The following PRICKLE1 variants were observed in gnomAD, a reference collection of about 807,000 sequenced individuals.
PRICKLE1 encodes prickle planar cell polarity protein 1.
PRICKLE1 carries 14 observed loss-of-function variants against 70.2 expected under a neutral mutation model. The ratio of observed to expected loss-of-function variants is 0.20; its 90% CI spans 0.13 to 0.31. PRICKLE1 has a LOEUF of 0.31. Among genes scored for constraint, PRICKLE1 ranks in the 10% least tolerant of loss-of-function variants. The probability of loss-of-function intolerance (pLI) is 1.00; values close to 1 mark genes in which losing one functional copy is unlikely to be tolerated. For missense variants in PRICKLE1, 821 were observed against 1,026.2 expected (o/e 0.80, Z 2.73); for synonymous variants, 357 against 379.9 (o/e 0.94, Z 0.70).
chr12:42,519,193 C>CTTTTT (rs11342397), intron 1 of PRICKLE1, among the ~76,000 whole-genome samples: 1,498 of 99,120 alleles, frequency 0.015, 120 homozygotes, highest in Admixed American at 0.086. Context: ...CCTTTTTTTC[C>CTTTTT]TTTTTTTTTT....
intron 1 of PRICKLE1, among the ~76,000 whole-genome samples, chr12:42,571,504 C>A (rs1311458021): frequency 6.6e-6 from 1 of 152,168 alleles, no homozygotes; most frequent in Admixed American, 6.5e-5. Context: ...AGTCTGCAGG[C>A]AGTTTTGGGG....
At chr12:42,560,176 G>A (rs969336614) in intron 1 of PRICKLE1, among the ~76,000 whole-genome samples, 29 of 150,062 alleles carry the variant, frequency 1.9e-4, no homozygotes, top group Admixed American at 5.3e-4. Context: ...TCGCTCTGTC[G>A]CCCAGGCTGG....
At chr12:42,539,052 T>C (rs1040789073) in intron 1 of PRICKLE1, among the ~76,000 whole-genome samples, 3 of 152,294 alleles carry the variant, frequency 2.0e-5, no homozygotes, top group Admixed American at 2.0e-4. Context: ...ATTTAAGAAA[T>C]AGCTGGAAAA....
intron 1 of PRICKLE1, among the ~76,000 whole-genome samples, chr12:42,473,494 A>G (rs921342836): frequency 6.6e-6 from 1 of 152,218 alleles, no homozygotes; most frequent in African/African-American, 2.4e-5. Context: ...TGCTATCACC[A>G]TTTATGTTCT....
rs942722501 is a variant in PRICKLE1, at chr12:42,457,579, C to A, written c.*2230G>T. The A allele has an allele frequency of 6.6e-6, 1 of 152,160 alleles. No homozygotes were observed. The highest frequency in any genetic ancestry group is 1.5e-5 in the Non-Finnish European group (1 of 68,048). The allele number at this position is 152,160 out of a possible 1,614,324, so 9.4% of individuals were successfully genotyped here. A position where few individuals can be genotyped will look rare whatever the true frequency, so the allele number is the denominator to read the frequency against. ...ATATCCATCAGTCTTAAATACGTAACCTTTGTCCCAGTAACTACGCTGCTC... is the reference window on the plus strand; with the variant it reads ...ATATCCATCAGTCTTAAATACGTAAACTTTGTCCCAGTAACTACGCTGCTC... On this transcript the variant is annotated 3_prime_UTR_variant, in exon 8 of 8. Coordinates refer to ENST00000345127, the MANE Select transcript of PRICKLE1 (RefSeq NM_153026.3).
intron 1 of PRICKLE1, among the ~76,000 whole-genome samples, chr12:42,487,731 A>ACAAT (rs1939014301): frequency 6.6e-6 from 1 of 152,208 alleles, no homozygotes; most frequent in South Asian, 2.1e-4. Context: ...AGGAGAGAAC[A>ACAAT]CAATCCACTT....
chr12:42,574,294 AG>A (rs1348797365), intron 1 of PRICKLE1, among the ~76,000 whole-genome samples: 3 of 152,320 alleles, frequency 2.0e-5, no homozygotes, highest in South Asian at 4.1e-4. Flanking sequence ...TCCCAACAAA[AG>A]CAATCCTACT....
In PRICKLE1 at chr12:42,466,174, C is replaced by T. The variant is rs190710237; in HGVS notation, c.775+20G>A. 5.3e-5 allele frequency: 85 copies of T among 1,613,778 alleles called. No homozygotes were observed. The African/African-American group carries it at 6.8e-4, about 13-fold the overall frequency. ...ACTAATGGCTAGGTGACAGGGCAGA[C>T]GGGCTGGCTGTGGACTTACCAATAT... On this transcript the variant is annotated intron_variant, in intron 6 of 7. Transcript: ENST00000345127.
At position 42,564,253 on chromosome 12, in the gene PRICKLE1, T is replaced by TG. The variant is rs1339366775; in HGVS notation, c.-49+25211_-49+25212insC. Among the ~76,000 whole-genome samples the TG allele has an allele frequency of 5.4e-4, 8 of 14,750 alleles. No homozygotes were observed. The Admixed American group carries it at 6.5e-3, about 12-fold the overall frequency. 9.7% of individuals were successfully genotyped at this position (14,750 alleles called of 152,430 possible). On this transcript the variant is annotated intron_variant, in intron 1 of 7. Transcript: ENST00000345127. Reference sequence around the variant, plus strand: ...CTTGGCAACAGAGGGAGACTCTGTCTAAAAAAAAAAAAAAAAAAAGAAAAG... The same window carrying TG: ...CTTGGCAACAGAGGGAGACTCTGTCTGAAAAAAAAAAAAAAAAAAAGAAAAG...
At position 42,500,730 on chromosome 12, in the gene PRICKLE1, C is replaced by T. The variant is rs1041043052; in HGVS notation, c.-48-28166G>A. ...AAAAAAAAGCAATAGAATTAATATT[C>T]TTTCTAGCAGCATATCTGGGCAATT... On this transcript the variant is annotated intron_variant, in intron 1 of 7. Transcript: ENST00000345127. 4.8e-5 allele frequency among the ~76,000 whole-genome samples: 7 copies of T among 147,282 alleles called. No individual in the cohort carries two copies. The East Asian group carries it at 1.4e-3, about 29-fold the overall frequency.
At chr12:42,505,005 T>A (rs1223128231) in intron 1 of PRICKLE1, among the ~76,000 whole-genome samples, 1 of 152,080 alleles carries the variant, frequency 6.6e-6, no homozygotes, top group Admixed American at 6.6e-5. Flanking sequence ...CCGAGCGTGG[T>A]GGCGGGCACC....
intron 1 of PRICKLE1, among the ~76,000 whole-genome samples, chr12:42,573,627 T>G (rs1480663620): frequency 6.6e-5 from 10 of 152,068 alleles, no homozygotes; most frequent in Admixed American, 6.6e-4. Flanking sequence ...TGGAGTGCAG[T>G]GGCAAGATTT....
chr12:42,500,718 A>G (rs1388433689), intron 1 of PRICKLE1, among the ~76,000 whole-genome samples: 1 of 151,824 alleles, frequency 6.6e-6, no homozygotes, highest in Non-Finnish European at 1.5e-5. Flanking sequence ...AAAAAGCAAT[A>G]GAATTAATAT....
chr12:42,582,377 G>T (rs1940916446), intron 1 of PRICKLE1, among the ~76,000 whole-genome samples: 1 of 152,174 alleles, frequency 6.6e-6, no homozygotes, highest in South Asian at 2.1e-4. Flanking sequence ...AGTGAACAAA[G>T]CTTAGCATCA....
chr12:42,582,474 A>G (rs949589689), intron 1 of PRICKLE1, among the ~76,000 whole-genome samples: 2 of 152,274 alleles, frequency 1.3e-5, no homozygotes, highest in Middle Eastern at 3.2e-3. Flanking sequence ...ACCTAACTTT[A>G]TCTCTTTCTA....
intron 1 of PRICKLE1, chr12:42,584,530 T>C (rs954202908): frequency 6.6e-6 from 1 of 151,178 alleles, no homozygotes; most frequent in Admixed American, 6.6e-5. Context: ...GGCTACTTTA[T>C]ATTAGACTTC....
At position 42,460,120 on chromosome 12, in the gene PRICKLE1, C is replaced by G; in HGVS notation, c.2185G>C (p.Asp729His). ...GCATGGGCGTACTGTCCGTAGAGAT[C>G]AGCATTCTGGATGTATGCTTGGATC... ...REIQAYIQNA[D>H]LYGQYAHATS... Residue 729 changes from aspartate (D) to histidine (H), a missense_variant, in exon 8 of 8, where the codon GAT becomes CAT. Transcript: ENST00000345127. 6.2e-7 allele frequency: 1 copy of G among 1,614,084 alleles called. No individual in the cohort carries two copies. The highest frequency in any genetic ancestry group is 8.5e-7 in the Non-Finnish European group (1 of 1,180,010).
chr12:42,469,549 T>G lies in PRICKLE1; in HGVS notation c.285A>C (p.Lys95Asn). Residue 95 changes from lysine (K) to asparagine (N), a missense_variant, in exon 4 of 8, where the codon AAA becomes AAC. Transcript: ENST00000345127. ...GCTGAGCACTGAACACCTGCAACTCTTTTTTCTCCTCTTCACTCAAAGACT... is the reference window on the plus strand; with the variant it reads ...GCTGAGCACTGAACACCTGCAACTCGTTTTTCTCCTCTTCACTCAAAGACT... Reference protein sequence around the residue: ...YCQSLSEEEKKELQVFSAQRK... With the variant: ...YCQSLSEEEKNELQVFSAQRK... 6.2e-7 allele frequency: 1 copy of G among 1,614,120 alleles called. No homozygotes were observed.
intron 1 of PRICKLE1, among the ~76,000 whole-genome samples, chr12:42,556,527 A>G (rs747187175): frequency 6.6e-6 from 1 of 152,220 alleles, no homozygotes; most frequent in African/African-American, 2.4e-5. Context: ...TCTAAGCGTC[A>G]TGGCCAGGGG....
Sources: allele counts gnomAD v4.1 joint callset (sites outside exome capture counted in the v4.1 genomes callset), GRCh38; gene constraint gnomAD v4.1.1; transcripts MANE v1.5; gene names NCBI Gene and HGNC (gene_info 2026-07-23, HGNC 2026-07-21).